The following ADARB2 variants were observed in gnomAD, a reference collection of about 807,000 sequenced individuals.
The protein encoded by ADARB2 is adenosine deaminase RNA specific B2 (inactive), also known as inactive double-stranded RNA-specific editase B2.
In ADARB2, 25 loss-of-function variants were observed where a neutral mutation model predicts 62.2. That is an observed-to-expected ratio of 0.40 (90% CI 0.29 to 0.56). ADARB2 has a LOEUF of 0.56. Ranked by LOEUF, ADARB2 falls within the 20% of genes least tolerant of loss-of-function variation. The pLI is 0.43. For missense variants in ADARB2, 1,071 were observed against 1,077.4 expected (o/e 0.99, Z 0.08); for synonymous variants, 572 against 500.8 (o/e 1.14, Z -1.90).
chr10:1,406,186 A>T (rs1832706834), intron 1 of ADARB2, among the ~76,000 whole-genome samples: 1 of 152,194 alleles, frequency 6.6e-6, no homozygotes, highest in African/African-American at 2.4e-5. Flanking sequence ...GGATCTGTGG[A>T]TTGCAATGTC....
chr10:1,389,682 G>T (rs1387836007), intron 1 of ADARB2, among the ~76,000 whole-genome samples: 2 of 152,060 alleles, frequency 1.3e-5, no homozygotes, highest in Admixed American at 6.5e-5. Flanking sequence ...GGCAGAGGTT[G>T]CAGTGAGCTG....
intron 1 of ADARB2, among the ~76,000 whole-genome samples, chr10:1,659,790 G>A (rs1350747351): frequency 7.3e-5 from 11 of 151,254 alleles, no homozygotes; most frequent in Non-Finnish European, 1.5e-5. Context: ...GGCAGGGGCT[G>A]TCTCCACCCT....
At chr10:1,421,079 C>T (rs1832848824) in intron 1 of ADARB2, among the ~76,000 whole-genome samples, 1 of 151,158 alleles carries the variant, frequency 6.6e-6, no homozygotes, top group African/African-American at 2.4e-5. Flanking sequence ...CCGCCCTTCA[C>T]CTCTGATCAG....
At chr10:1,217,433 G>A (rs1413731093) in intron 6 of ADARB2, among the ~76,000 whole-genome samples, 1 of 152,212 alleles carries the variant, frequency 6.6e-6, no homozygotes, top group Non-Finnish European at 1.5e-5. Context: ...CCGTGCTCAG[G>A]CCAGTAAGGG....
chr10:1,345,502 A>C (rs751021426), intron 3 of ADARB2, among the ~76,000 whole-genome samples: 4 of 152,162 alleles, frequency 2.6e-5, no homozygotes, highest in Non-Finnish European at 5.9e-5. Flanking sequence ...CTGTGACCAC[A>C]GTTGTCAGAG....
intron 1 of ADARB2, among the ~76,000 whole-genome samples, chr10:1,544,021 A>C (rs1219187079): frequency 1.4e-4 from 10 of 71,854 alleles, no homozygotes; most frequent in African/African-American, 3.3e-4. Context: ...AAACAAACAA[A>C]AAAAAAAACA....
chr10:1,544,015 AAAC>A (rs141912946), intron 1 of ADARB2, among the ~76,000 whole-genome samples: 42,350 of 80,160 alleles, frequency 0.53, 6,749 homozygotes, highest in East Asian at 0.7. Flanking sequence ...AAAAAAAAAC[AAAC>A]AAAAAAAAAA....
In ADARB2 at chr10:1,623,222, C is replaced by A. The variant is rs77823002; in HGVS notation, c.100+113829G>T. 2.4e-3 allele frequency among the ~76,000 whole-genome samples: 364 copies of A among 152,258 alleles called. 2 individuals are homozygous for A. The highest frequency in any genetic ancestry group is 8.1e-3 in the African/African-American group (336 of 41,552). On this transcript the variant is annotated intron_variant, in intron 1 of 9. Coordinates refer to ENST00000381312, the MANE Select transcript of ADARB2 (RefSeq NM_018702.4). ...TTAAATAAATGAAAAAATAAGCTTC[C>A]TTCTGCACACACATCCATGAAGCCC...
At chr10:1,612,029 C>A (rs926569586) in intron 1 of ADARB2, among the ~76,000 whole-genome samples, 4 of 152,142 alleles carry the variant, frequency 2.6e-5, no homozygotes, top group African/African-American at 9.7e-5. Context: ...CATCTCCCAG[C>A]GCTGGGGGGC....
rs140514849 is a variant in ADARB2 at position 1,729,792 on chromosome 10, A to T, written c.100+7259T>A. On this transcript the variant is annotated intron_variant, in intron 1 of 9. Coordinates refer to ENST00000381312, the MANE Select transcript of ADARB2 (RefSeq NM_018702.4). ...ACTTGGGTTAGCATTTTCAGGTAGGAGGAGGCTCCAGTTTCTGAGAACTGA... is the reference window on the plus strand; with the variant it reads ...ACTTGGGTTAGCATTTTCAGGTAGGTGGAGGCTCCAGTTTCTGAGAACTGA... Among the ~76,000 whole-genome samples, 45 of 152,268 alleles carry T rather than the reference A, an allele frequency of 3.0e-4. 1 individual carries two copies. In the East Asian group the frequency reaches 8.7e-3, roughly 29 times the overall value.
chr10:1,482,660 T>C (rs1785516850), intron 1 of ADARB2, among the ~76,000 whole-genome samples: 2 of 152,118 alleles, frequency 1.3e-5, no homozygotes, highest in South Asian at 2.1e-4. Context: ...AGTGGTAAAT[T>C]TTGTATTATG....
At chr10:1,440,007 A>T (rs1830885063) in intron 1 of ADARB2, among the ~76,000 whole-genome samples, 2 of 147,846 alleles carry the variant, frequency 1.4e-5, no homozygotes. Context: ...CTCCCCCAGG[A>T]CTGAGGCAGG....
intron 7 of ADARB2, among the ~76,000 whole-genome samples, chr10:1,208,917 C>G (rs545265313): frequency 9.2e-5 from 14 of 152,286 alleles, no homozygotes; most frequent in African/African-American, 3.1e-4. Context: ...GCGCCCGGAG[C>G]CTGATGAGTG....
At chr10:1,540,162 T>G (rs1021016441) in intron 1 of ADARB2, among the ~76,000 whole-genome samples, 2 of 152,142 alleles carry the variant, frequency 1.3e-5, no homozygotes, top group Admixed American at 1.3e-4. Flanking sequence ...GAAAACAGGA[T>G]TTTATTTGCA....
chr10:1,345,772 C>G (rs887834629), intron 3 of ADARB2, among the ~76,000 whole-genome samples: 8 of 152,224 alleles, frequency 5.3e-5, no homozygotes, highest in Non-Finnish European at 1.0e-4. Context: ...CATTTGAATT[C>G]CTGTTTCTTG....
chr10:1,233,822 C>G lies in ADARB2; in HGVS notation c.1385G>C (p.Arg462Pro), dbSNP rs139936295. The G allele has an allele frequency of 6.2e-7, 1 of 1,613,972 alleles. No homozygotes were observed. Among genetic ancestry groups the G allele is most frequent in the African/African-American group, 1.3e-5 (1 of 74,998 alleles). Residue 462 changes from arginine (R) to proline (P), a missense_variant, in exon 6 of 10, where the codon CGA becomes CCA. Physicochemically the swap from Arg to Pro is moderately radical, Grantham distance 103. Coordinates refer to ENST00000381312, the MANE Select transcript of ADARB2 (RefSeq NM_018702.4). The stretch of plus-strand genomic sequence containing the variant: ...TTCTTTTAACCGCACGAATATCGAT[C>G]GCTCTGAGTCCTCGCGCCGCTTGCT... Reference protein sequence around the residue: ...HLSKRREDSERSIFVRLKEGG... With the variant: ...HLSKRREDSEPSIFVRLKEGG...
At chr10:1,484,413 GC>G (rs1831517129) in intron 1 of ADARB2, among the ~76,000 whole-genome samples, 1 of 152,240 alleles carries the variant, frequency 6.6e-6, no homozygotes, top group Non-Finnish European at 1.5e-5. Flanking sequence ...ACCCCAGGCT[GC>G]CGCCCACCGC....
At chr10:1,295,605 A>G (rs1048831536) in intron 3 of ADARB2, among the ~76,000 whole-genome samples, 11 of 151,558 alleles carry the variant, frequency 7.3e-5, no homozygotes, top group South Asian at 2.1e-4. Context: ...TGTTTCTTCA[A>G]TGACCTCTCT....
intron 1 of ADARB2, among the ~76,000 whole-genome samples, chr10:1,695,861 T>C (rs1339786643): frequency 6.6e-6 from 1 of 151,942 alleles, no homozygotes; most frequent in African/African-American, 2.4e-5. Context: ...TGCATCCATG[T>C]ACACACACAT....
Sources: gnomAD v4.1 joint callset for allele counts (sites outside exome capture counted in the v4.1 genomes callset) on GRCh38, gnomAD v4.1.1 for gene constraint, MANE v1.5 for transcripts, NCBI Gene and HGNC (gene_info 2026-07-23, HGNC 2026-07-21) for gene names.